TBCB: variants seen among roughly 807,000 people sequenced by gnomAD.
The protein encoded by TBCB is tubulin-folding cofactor B.
TBCB carries 18 observed loss-of-function variants against 29.2 expected under a neutral mutation model. The observed-to-expected ratio is 0.62, with a 90% CI of 0.43 to 0.91. TBCB has a LOEUF of 0.91. TBCB is among the 40% of genes least tolerant of loss of function. The pLI is 0.00. For missense variants in TBCB, 336 were observed against 337.6 expected, an observed-to-expected ratio of 1.00 and a Z score of 0.04; for synonymous variants, 172 against 137.8, an observed-to-expected ratio of 1.25 and a Z score of -1.74.
chr19:36,122,695 A>T (rs1974075745), intron 4 of TBCB, among the ~76,000 whole-genome samples: 2 of 149,792 alleles, frequency 1.3e-5, no homozygotes, highest in Admixed American at 1.3e-4. Flanking sequence ...TTGAGGCTGC[A>T]GTGAGCTATG....
At chr19:36,125,358 A>C (rs1974119609) in intron 4 of TBCB, 93 bp from the exon 5 acceptor site, 29 of 1,374,450 alleles carry the variant, frequency 2.1e-5, no homozygotes, top group Non-Finnish European at 3.0e-5. Flanking sequence ...GCTTCTACTC[A>C]ATGGGTAGGC....
At chr19:36,121,899 G>T in intron 4 of TBCB, 181 bp downstream of exon 4, 1 of 810,410 alleles carries the variant, frequency 1.2e-6, no homozygotes, top group South Asian at 1.7e-5. Flanking sequence ...GGCCCAGAGT[G>T]TTTGTGGAGG....
At chr19:36,125,079 T>G (rs1974115925) in intron 4 of TBCB, among the ~76,000 whole-genome samples, 1 of 152,218 alleles carries the variant, frequency 6.6e-6, no homozygotes, top group African/African-American at 2.4e-5. Context: ...TTAAAGTTAT[T>G]TCTCACAGTA....
chr19:36,120,447 T>C, intron 2 of TBCB: 1 of 484,874 alleles, frequency 2.1e-6, no homozygotes, highest in African/African-American at 2.0e-5. Context: ...TTGGGGCCCT[T>C]GGCGATGTTG....
In TBCB at chr19:36,115,577, T is replaced by G; in HGVS notation, c.17T>G (p.Val6Gly). The change falls in exon 1 of 6, where the codon GTG (valine) becomes GGG (glycine). Residue 6 changes from valine (V) to glycine (G), a missense_variant. Coordinates refer to ENST00000221855, the MANE Select transcript of TBCB (RefSeq NM_001281.3). ...CGCGGCAAGATGGAGGTGACGGGGGTGTCGGCACCCACGGTGACCGTTTTC... is the reference window on the plus strand; with the variant it reads ...CGCGGCAAGATGGAGGTGACGGGGGGGTCGGCACCCACGGTGACCGTTTTC... MEVTG[V>G]SAPTVTVFIS... 6.2e-7 allele frequency: 1 copy of G among 1,607,402 alleles called. No homozygotes were observed. Among genetic ancestry groups the G allele is most frequent in the Non-Finnish European group, 8.5e-7 (1 of 1,177,540 alleles).
In TBCB at chr19:36,120,518, G is replaced by T. The variant is rs544856891; in HGVS notation, c.259-192G>T. The T allele has an allele frequency of 2.6e-3, 1,500 of 570,228 alleles. 20 individuals carry two copies. The highest frequency in any genetic ancestry group is 0.023 in the Middle Eastern group (48 of 2,092). 35.3% of individuals were successfully genotyped at this position (570,228 alleles called of 1,614,324 possible). A position where few individuals can be genotyped will look rare whatever the true frequency, so the allele number is the denominator to read the frequency against. Reference sequence around the variant, plus strand: ...AGCCTCTGGGAGCTTGGATGGGGGTGAGGAAGGGGAGGTGGCCAGTGTACG... The same window carrying T: ...AGCCTCTGGGAGCTTGGATGGGGGTTAGGAAGGGGAGGTGGCCAGTGTACG... On this transcript the variant is annotated intron_variant, in intron 2 of 5. Transcript: ENST00000221855.
At position 36,115,519 on chromosome 19, in the gene TBCB, G is replaced by A. The variant is rs769569144; in HGVS notation, c.-42G>A. 1.3e-5 allele frequency: 20 copies of A among 1,494,864 alleles called. No individual in the cohort carries two copies. The African/African-American group carries it at 1.7e-4, about 12-fold the overall frequency. The allele number at this position is 1,494,864 out of a possible 1,614,324, so 92.6% of individuals were successfully genotyped here. ...GGCGGCGGCTGCGGAGCGGGTGTGA[G>A]GCGGCTGGACCGCGCTGCAGGCATC... On this transcript the variant is annotated 5_prime_UTR_variant, in exon 1 of 6. Transcript: ENST00000221855.
Position 36,123,317 on chromosome 19 carries a change from AGT to A in TBCB, c.547+1601_547+1602del, listed in dbSNP as rs527410432. ...CTGGCTATTGCCCAGGCTGGAATGC[AGT>A]GGCACAATCTCGGCCATTTCAGCCT... On this transcript the variant is annotated intron_variant, in intron 4 of 5. Coordinates refer to ENST00000221855, the MANE Select transcript of TBCB (RefSeq NM_001281.3). Among the ~76,000 whole-genome samples the A allele has an allele frequency of 2.4e-4, 35 of 146,084 alleles. No individual in the cohort carries two copies. In the South Asian group the frequency reaches 7.0e-3, roughly 29 times the overall value.
Position 36,121,738 on chromosome 19 carries a change from G to T in TBCB, c.547+20G>T. On this transcript the variant is annotated intron_variant, in intron 4 of 5. Transcript: ENST00000221855. ...ATGTAGGTGCGTGGCTCGCGGGCCCGGTCCCGGGCTCCAGGGCTCCAAGGC... is the reference window on the plus strand; with the variant it reads ...ATGTAGGTGCGTGGCTCGCGGGCCCTGTCCCGGGCTCCAGGGCTCCAAGGC... 6.5e-7 allele frequency: 1 copy of T among 1,547,534 alleles called. No homozygotes were observed. Among genetic ancestry groups the T allele is most frequent in the Non-Finnish European group, 8.7e-7 (1 of 1,146,190 alleles).
upstream of TBCB, chr19:36,115,107 A>G (rs1973921583): frequency 5.2e-6 from 3 of 580,752 alleles, no homozygotes; most frequent in African/African-American, 1.9e-5. Flanking sequence ...AATAGTATGG[A>G]TCTGGTGCCA....
intron 3 of TBCB, among the ~76,000 whole-genome samples, chr19:36,121,114 G>A (rs1447000470): frequency 9.9e-5 from 15 of 151,176 alleles, no homozygotes; most frequent in African/African-American, 3.2e-4. Context: ...GGCATGGGGC[G>A]GTCGGACGGG....
chr19:36,115,581 G>C lies in TBCB; in HGVS notation c.21G>C (p.Ser7=). ...GCAAGATGGAGGTGACGGGGGTGTCGGCACCCACGGTGACCGTTTTCATCA... is the reference window on the plus strand; with the variant it reads ...GCAAGATGGAGGTGACGGGGGTGTCCGCACCCACGGTGACCGTTTTCATCA... MEVTGV[S]APTVTVFISS... is the part of the protein sequence containing the mutation. Residue 7 remains serine (S), a synonymous_variant, in exon 1 of 6, where the codon TCG becomes TCC. Transcript: ENST00000221855. 1 of 1,609,336 alleles carries C rather than the reference G, an allele frequency of 6.2e-7. No homozygotes were observed. The highest frequency in any genetic ancestry group is 8.5e-7 in the Non-Finnish European group (1 of 1,178,160).
chr19:36,121,724 T>TG lies in TBCB; in HGVS notation c.547+8dup. The stretch of plus-strand genomic sequence containing the variant: ...GGGCACCGTCATGTATGTAGGTGCG[T>TG]GGCTCGCGGGCCCGGTCCCGGGCTC... On this transcript the variant is annotated splice_region_variant and intron_variant, in intron 4 of 5. Coordinates refer to ENST00000221855, the MANE Select transcript of TBCB (RefSeq NM_001281.3). The TG allele has an allele frequency of 5.8e-6, 9 of 1,549,474 alleles. No homozygotes were observed. Among genetic ancestry groups the TG allele is most frequent in the Non-Finnish European group, 7.8e-6 (9 of 1,147,586 alleles).
At chr19:36,122,211 G>A (rs1159020387) in intron 4 of TBCB, 6 of 216,336 alleles carry the variant, frequency 2.8e-5, no homozygotes, top group Non-Finnish European at 4.7e-5. Context: ...GGGAAGGGGA[G>A]CGGGAGGAGA....
chr19:36,116,505 G>C (rs183594454), intron 2 of TBCB: 21 of 281,234 alleles, frequency 7.5e-5, no homozygotes, highest in Non-Finnish European at 1.2e-4. Context: ...GAAAGAGGTG[G>C]AAAGGAGGGA....
chr19:36,120,892 T>G, intron 3 of TBCB, 86 bp downstream of exon 3: 1 of 1,275,354 alleles, frequency 7.8e-7, no homozygotes, highest in Non-Finnish European at 1.1e-6. Context: ...ACAGGGCCCC[T>G]GCAGGGAGGC....
Position 36,115,575 on chromosome 19 carries a change from G to A in TBCB, c.15G>A (p.Gly5=). 6.2e-7 allele frequency: 1 copy of A among 1,608,856 alleles called. No homozygotes were observed. Among genetic ancestry groups the A allele is most frequent in the South Asian group, 1.1e-5 (1 of 90,090 alleles). The change falls in exon 1 of 6, where the codon GGG becomes GGA. Residue 5 remains glycine (G), a synonymous_variant. Transcript: ENST00000221855. MEVT[G]VSAPTVTVFI... ...GGCGCGGCAAGATGGAGGTGACGGG[G>A]GTGTCGGCACCCACGGTGACCGTTT...
chr19:36,115,097 A>C (rs780624085), upstream of TBCB: 3 of 593,380 alleles, frequency 5.1e-6, no homozygotes, highest in Non-Finnish European at 9.0e-6. Context: ...CAGTTTACAG[A>C]ATAGTATGGA....
chr19:36,119,720 C>T (rs185607477), intron 2 of TBCB, among the ~76,000 whole-genome samples: 118 of 152,136 alleles, frequency 7.8e-4, no homozygotes, highest in Admixed American at 2.7e-3. Context: ...GGCAAAATGT[C>T]GTCTCTACTT....
Sources: gnomAD v4.1 joint callset for allele counts (sites outside exome capture counted in the v4.1 genomes callset) on GRCh38, gnomAD v4.1.1 for gene constraint, MANE v1.5 for transcripts, NCBI Gene and HGNC (gene_info 2026-07-23, HGNC 2026-07-21) for gene names.